Variants in ZCCHC24 observed in about 807,000 individuals in gnomAD.
ZCCHC24 encodes zinc finger CCHC-type containing 24.
ZCCHC24 carries 10 observed loss-of-function variants against 26.2 expected under a neutral mutation model. The observed-to-expected ratio is 0.38, with a 90% CI of 0.24 to 0.65. The LOEUF is 0.65. Ranked by LOEUF, ZCCHC24 falls within the 30% of genes least tolerant of loss-of-function variation. The probability of loss-of-function intolerance (pLI) is 0.54; values close to 1 mark genes in which losing one functional copy is unlikely to be tolerated. For synonymous variants in ZCCHC24, 144 were observed against 147.1 expected (o/e 0.98, Z 0.15); for missense variants, 243 against 329.1 (o/e 0.74, Z 2.03).
At chr10:79,389,545 T>C (rs1384793003) in intron 3 of ZCCHC24, among the ~76,000 whole-genome samples, 1 of 151,816 alleles carries the variant, frequency 6.6e-6, no homozygotes, top group Non-Finnish European at 1.5e-5. Flanking sequence ...TGTGTGTGTG[T>C]GTGTGTGTGT....
chr10:79,409,674 G>A (rs1856765181), intron 2 of ZCCHC24, among the ~76,000 whole-genome samples: 1 of 152,222 alleles, frequency 6.6e-6, no homozygotes, highest in Non-Finnish European at 1.5e-5. Context: ...CAACTTCCTG[G>A]GCAAGCATGC....
At chr10:79,406,237 C>A (rs188855347) in intron 2 of ZCCHC24, among the ~76,000 whole-genome samples, 1 of 152,184 alleles carries the variant, frequency 6.6e-6, no homozygotes, top group East Asian at 1.9e-4. Flanking sequence ...CAGAAGGCTT[C>A]GAACCATGGC....
chr10:79,434,464 G>A (rs755641026), intron 1 of ZCCHC24, among the ~76,000 whole-genome samples: 2 of 152,132 alleles, frequency 1.3e-5, no homozygotes, highest in African/African-American at 2.4e-5. Context: ...GGAGAGTTCT[G>A]ATAAAAACCA....
chr10:79,443,869 C>T (rs1162613044), intron 1 of ZCCHC24, among the ~76,000 whole-genome samples: 1 of 152,236 alleles, frequency 6.6e-6, no homozygotes, highest in Non-Finnish European at 1.5e-5. Context: ...TCATCTTCCT[C>T]CTCTGCACCC....
At chr10:79,403,712 C>T (rs546051777) in intron 2 of ZCCHC24, 1 of 657,630 alleles carries the variant, frequency 1.5e-6, no homozygotes, top group Non-Finnish European at 1.9e-6. Flanking sequence ...AGCATGGGCC[C>T]AGAAGGCCTG....
At chr10:79,410,368 G>C (rs57639374) in intron 2 of ZCCHC24, among the ~76,000 whole-genome samples, 2,445 of 152,324 alleles carry the variant, frequency 0.016, 80 homozygotes, top group African/African-American at 0.055. Context: ...CTGGCACATA[G>C]TAGGTACTCA....
chr10:79,391,135 CCAGTGCACA>C (rs1283161286), intron 3 of ZCCHC24, among the ~76,000 whole-genome samples: 4 of 152,144 alleles, frequency 2.6e-5, no homozygotes, highest in Non-Finnish European at 5.9e-5. Context: ...CTCAGTGTCC[CCAGTGCACA>C]CAGTAGGTGC....
In ZCCHC24 at chr10:79,432,748, T is replaced by C; in HGVS notation, c.257A>G (p.Asn86Ser). Residue 86 changes from asparagine to serine, a missense_variant, in exon 2 of 4, where the codon AAC becomes AGC. This residue lies in a region of ZCCHC24 where 147 missense variants were observed against 150.8 expected (regional missense o/e 0.97). Transcript: ENST00000372336. ...FQLQRGEALS[N>S]SVYKGASPYG... is the part of the protein sequence containing the mutation. Reference sequence around the variant, plus strand: ...GGGTGAGGCGCCCTTGTACACACTGTTGCTCAGCGCCTGTGGGAGACAGAG... The same window carrying C: ...GGGTGAGGCGCCCTTGTACACACTGCTGCTCAGCGCCTGTGGGAGACAGAG... The C allele has an allele frequency of 1.2e-6, 2 of 1,608,412 alleles. No individual in the cohort carries two copies. The highest frequency in any genetic ancestry group is 1.1e-5 in the South Asian group (1 of 90,230).
intron 2 of ZCCHC24, among the ~76,000 whole-genome samples, chr10:79,396,122 G>A (rs1487288352): frequency 2.0e-5 from 3 of 152,184 alleles, no homozygotes. Context: ...GTCCTTTTGT[G>A]TCTGGCTTCA....
intron 3 of ZCCHC24, among the ~76,000 whole-genome samples, chr10:79,393,670 AC>A (rs1157834442): frequency 6.6e-6 from 1 of 151,794 alleles, no homozygotes; most frequent in African/African-American, 2.4e-5. Context: ...CTAGCCCTCT[AC>A]CCCAAGCCTC....
intron 3 of ZCCHC24, among the ~76,000 whole-genome samples, chr10:79,386,845 G>A (rs1203277053): frequency 2.0e-5 from 3 of 152,174 alleles, no homozygotes; most frequent in African/African-American, 7.2e-5. Context: ...AGTGCTGCCT[G>A]AGGAGCCAGC....
intron 3 of ZCCHC24, among the ~76,000 whole-genome samples, chr10:79,386,694 C>T (rs1417347594): frequency 6.6e-6 from 1 of 152,146 alleles, no homozygotes; most frequent in East Asian, 1.9e-4. Context: ...GTTTCAGCCA[C>T]GGTGCCGGGG....
At chr10:79,387,977 G>A (rs1432020321) in intron 3 of ZCCHC24, among the ~76,000 whole-genome samples, 1 of 152,176 alleles carries the variant, frequency 6.6e-6, no homozygotes, top group Non-Finnish European at 1.5e-5. Flanking sequence ...CACATCACAA[G>A]AGGCTTTCAG....
chr10:79,408,400 G>C (rs1054717650), intron 2 of ZCCHC24, among the ~76,000 whole-genome samples: 7 of 152,168 alleles, frequency 4.6e-5, no homozygotes, highest in South Asian at 2.1e-4. Flanking sequence ...GGTGCCCCCA[G>C]GGATCCCGCT....
rs149147685 is a variant in ZCCHC24, at chr10:79,394,294, G to A, written c.594C>T (p.Asn198=). 38 of 1,614,078 alleles carry A rather than the reference G, an allele frequency of 2.4e-5. No individual in the cohort carries two copies. The African/African-American group carries it at 3.7e-4, about 16-fold the overall frequency. The stretch of plus-strand genomic sequence containing the variant: ...GGCTCACCTGCTTGTGTGGATACAC[G>A]TTGATGTGGCACTTGATGCACTCCT... ...MGQECIKCHI[N]VYPHKQRPLE... is the part of the protein sequence containing the mutation. The change falls in exon 3 of 4, where the codon AAC becomes AAT. Residue 198 remains asparagine (N), a synonymous_variant. Coordinates refer to ENST00000372336, the MANE Select transcript of ZCCHC24 (RefSeq NM_153367.4).
chr10:79,432,458 G>A, intron 2 of ZCCHC24, 100 bp downstream of exon 2: 2 of 1,261,098 alleles, frequency 1.6e-6, no homozygotes, highest in South Asian at 1.5e-5. Context: ...ATTGGTGGAA[G>A]GGGCCCTGGG....
Position 79,445,315 on chromosome 10 carries a change from G to T in ZCCHC24, c.126C>A (p.Pro42=). 6.6e-7 allele frequency: 1 copy of T among 1,507,238 alleles called. No individual in the cohort carries two copies. The highest frequency in any genetic ancestry group is 2.8e-5 in the East Asian group (1 of 35,464). 93.4% of individuals were successfully genotyped at this position (1,507,238 alleles called of 1,614,324 possible). Residue 42 remains proline, a synonymous_variant, in exon 1 of 4, where the codon CCC becomes CCA. Coordinates refer to ENST00000372336, the MANE Select transcript of ZCCHC24 (RefSeq NM_153367.4). ...GGGGTGCGGCGCCGGCGGTCGGCTC[G>T]GGCCGGAAGGCATCGAAGGCGCTAG... ...HQASAFDAFR[P]EPTAGAAPPE... is the part of the protein sequence containing the mutation.
At chr10:79,433,658 G>C (rs1055491783) in intron 1 of ZCCHC24, among the ~76,000 whole-genome samples, 2 of 152,220 alleles carry the variant, frequency 1.3e-5, no homozygotes, top group Non-Finnish European at 1.5e-5. Flanking sequence ...TGGGCTTGGG[G>C]CTTAAGTATC....
intron 2 of ZCCHC24, among the ~76,000 whole-genome samples, chr10:79,401,952 G>A (rs959998121): frequency 4.6e-5 from 7 of 152,230 alleles, no homozygotes; most frequent in Admixed American, 2.0e-4. Flanking sequence ...TACCTTCCCA[G>A]AGAGCAAGAG....
Sources: allele counts gnomAD v4.1 joint callset (sites outside exome capture counted in the v4.1 genomes callset), GRCh38; gene constraint gnomAD v4.1.1; regional missense constraint gnomAD v4.1.1; transcripts MANE v1.5; gene names NCBI Gene and HGNC (gene_info 2026-07-23, HGNC 2026-07-21).